WDSUB1: variants seen among roughly 807,000 people sequenced by gnomAD.
The protein encoded by WDSUB1 is WD repeat, SAM and U-box domain-containing protein 1.
In WDSUB1, 49 loss-of-function variants were observed where a neutral mutation model predicts 53.9. That is an observed-to-expected ratio of 0.91 (90% CI 0.72 to 1.15). The LOEUF is 1.15. Ranked by LOEUF, WDSUB1 falls within the 50% of genes most tolerant of loss-of-function variation. The pLI is 0.00. For missense variants in WDSUB1, 514 were observed against 562.0 expected, an observed-to-expected ratio of 0.91 and a Z score of 0.86; for synonymous variants, 194 against 200.6, an observed-to-expected ratio of 0.97 and a Z score of 0.28.
intron 10 of WDSUB1, among the ~76,000 whole-genome samples, chr2:159,242,954 A>G (rs2060699334): frequency 6.7e-6 from 1 of 148,252 alleles, no homozygotes; most frequent in African/African-American, 2.6e-5. Context: ...AAAAAGATGT[A>G]TTCTGAATAT....
intron 5 of WDSUB1, among the ~76,000 whole-genome samples, chr2:159,260,435 A>G (rs906127444): frequency 2.0e-5 from 3 of 152,250 alleles, no homozygotes; most frequent in African/African-American, 7.2e-5. Context: ...ACACGACTCT[A>G]TAACAAGTTA....
At chr2:159,254,763 GTTT>G (rs1353384157) in intron 9 of WDSUB1, among the ~76,000 whole-genome samples, 1 of 152,032 alleles carries the variant, frequency 6.6e-6, no homozygotes, top group Non-Finnish European at 1.5e-5. Flanking sequence ...AAATTTGTGA[GTTT>G]TTTTTAAAAA....
Position 159,257,956 on chromosome 2 carries a change from A to G in WDSUB1, c.834T>C (p.Thr278=), listed in dbSNP as rs1221944714. ...GGTTAAGTTCAGACCTGGTGTGCTG[A>G]GTCAATGTGTGAAGTATATTCTCAG... ...TNTENILHTL[T]QHTRYVTTCA... Residue 278 remains threonine, a synonymous_variant, in exon 7 of 11, where the codon ACT becomes ACC. Transcript: ENST00000359774. The G allele has an allele frequency of 6.2e-7, 1 of 1,613,544 alleles. No individual in the cohort carries two copies. The highest frequency in any genetic ancestry group is 2.2e-5 in the East Asian group (1 of 44,860).
In WDSUB1 at chr2:159,276,756, G is replaced by A. The variant is rs533492316; in HGVS notation, c.584-1118C>T. 5.9e-5 allele frequency among the ~76,000 whole-genome samples: 9 copies of A among 152,290 alleles called. No homozygotes were observed. The South Asian group carries it at 1.9e-3, about 32-fold the overall frequency. ...GAAATTGAGGCTGGGCATGGTGGCTGAAGTCTGTAATCCCAGCACTTTGAG... is the reference window on the plus strand; with the variant it reads ...GAAATTGAGGCTGGGCATGGTGGCTAAAGTCTGTAATCCCAGCACTTTGAG... On this transcript the variant is annotated intron_variant, in intron 3 of 10. Transcript: ENST00000359774.
At chr2:159,278,785 T>C (rs929465968) in intron 3 of WDSUB1, among the ~76,000 whole-genome samples, 4 of 152,186 alleles carry the variant, frequency 2.6e-5, no homozygotes, top group African/African-American at 9.7e-5. Flanking sequence ...GCTTTTGGGA[T>C]TTGAGATCTT....
At position 159,279,434 on chromosome 2, in the gene WDSUB1, A is replaced by G. The variant is rs114918094; in HGVS notation, c.583+327T>C. The stretch of plus-strand genomic sequence containing the variant: ...GTGTTCTTTTAATTGCAATTGTATC[A>G]ATAGGGTTAGGTCCTCTAAATTGCC... On this transcript the variant is annotated intron_variant, in intron 3 of 10. Coordinates refer to ENST00000359774, the MANE Select transcript of WDSUB1 (RefSeq NM_001128212.3). 7.2e-3 allele frequency among the ~76,000 whole-genome samples: 1,091 copies of G among 152,348 alleles called. 4 individuals carry two copies. Among genetic ancestry groups the G allele is most frequent in the Middle Eastern group, 0.02 (6 of 294 alleles).
intron 3 of WDSUB1, among the ~76,000 whole-genome samples, chr2:159,277,551 A>G (rs142241375): frequency 6.6e-6 from 1 of 152,318 alleles, no homozygotes; most frequent in Admixed American, 6.5e-5. Context: ...AAAAATATTT[A>G]AATTATAATA....
At chr2:159,247,647 C>G (rs2151064124) in intron 10 of WDSUB1, among the ~76,000 whole-genome samples, 1 of 151,454 alleles carries the variant, frequency 6.6e-6, no homozygotes, top group Middle Eastern at 3.4e-3. Context: ...AACATATAAC[C>G]CACGTAAATA....
At chr2:159,277,342 A>G (rs2061564104) in intron 3 of WDSUB1, among the ~76,000 whole-genome samples, 1 of 152,244 alleles carries the variant, frequency 6.6e-6, no homozygotes, top group African/African-American at 2.4e-5. Context: ...TATTCAATAA[A>G]TGGCTGAGAG....
At chr2:159,261,067 G>C (rs2061177931) in intron 5 of WDSUB1, among the ~76,000 whole-genome samples, 1 of 152,116 alleles carries the variant, frequency 6.6e-6, no homozygotes, top group African/African-American at 2.4e-5. Flanking sequence ...AGCATATACT[G>C]TCAGCCCTCC....
chr2:159,270,793 G>A (rs1419062627), intron 5 of WDSUB1, among the ~76,000 whole-genome samples: 1 of 152,044 alleles, frequency 6.6e-6, no homozygotes, highest in East Asian at 1.9e-4. Context: ...AAATCTAGAG[G>A]CTGGGAAAAT....
chr2:159,258,071 T>C (rs777582716), intron 6 of WDSUB1, 86 bp from the exon 7 acceptor site: 38 of 1,156,698 alleles, frequency 3.3e-5, no homozygotes, highest in Non-Finnish European at 4.6e-5. Flanking sequence ...ATGGGTTGTA[T>C]ACTAAGTGGA....
At chr2:159,250,143 A>G (rs2151073554) in intron 9 of WDSUB1, among the ~76,000 whole-genome samples, 1 of 150,680 alleles carries the variant, frequency 6.6e-6, no homozygotes, top group East Asian at 1.9e-4. Context: ...CTGAAGTGCA[A>G]GTGTCTGCTG....
chr2:159,252,205 ATT>A (rs1371828339), intron 9 of WDSUB1, among the ~76,000 whole-genome samples: 1 of 152,246 alleles, frequency 6.6e-6, no homozygotes, highest in East Asian at 1.9e-4. Context: ...CGAAACCTAT[ATT>A]AAGAATGGAA....
At chr2:159,261,727 A>G (rs984601517) in intron 5 of WDSUB1, among the ~76,000 whole-genome samples, 1 of 151,404 alleles carries the variant, frequency 6.6e-6, no homozygotes, top group African/African-American at 2.4e-5. Context: ...AAATACTTTC[A>G]TAACAGCTAA....
chr2:159,281,004 T>C (rs1181604284), intron 2 of WDSUB1, among the ~76,000 whole-genome samples: 2 of 152,274 alleles, frequency 1.3e-5, no homozygotes, highest in East Asian at 3.9e-4. Context: ...ATTTCATGCA[T>C]ATAAAAAAGA....
At chr2:159,236,231 G>A in intron 10 of WDSUB1, 41 bp from the exon 11 acceptor site, 1 of 1,563,714 alleles carries the variant, frequency 6.4e-7, no homozygotes. Flanking sequence ...ATGTAGGAAA[G>A]GGAAATGAGG....
intron 5 of WDSUB1, 110 bp from the exon 6 acceptor site, chr2:159,259,953 T>C (rs1479099082): frequency 4.4e-6 from 5 of 1,133,468 alleles, no homozygotes; most frequent in Non-Finnish European, 6.0e-6. Flanking sequence ...AAGACAGATA[T>C]TAACATACAT....
intron 4 of WDSUB1, among the ~76,000 whole-genome samples, chr2:159,272,500 TG>T (rs2061463678): frequency 6.6e-6 from 1 of 152,184 alleles, no homozygotes; most frequent in African/African-American, 2.4e-5. Flanking sequence ...TGGCTTCTTG[TG>T]TTTGTTACCC....
Sources: allele counts gnomAD v4.1 joint callset (sites outside exome capture counted in the v4.1 genomes callset), GRCh38; gene constraint gnomAD v4.1.1; transcripts MANE v1.5; gene names NCBI Gene and HGNC (gene_info 2026-07-23, HGNC 2026-07-21).